Variants in UST observed in about 807,000 individuals in gnomAD.
UST encodes uronyl 2-sulfotransferase.
In UST, 21 loss-of-function variants were observed where a neutral mutation model predicts 45.6. That is an observed-to-expected ratio of 0.46 (90% CI 0.33 to 0.66). UST has a LOEUF of 0.66. Among genes scored for constraint, UST ranks in the 30% least tolerant of loss-of-function variants. The pLI, the probability that UST is intolerant of heterozygous loss-of-function variation, is 0.02. For synonymous variants in UST, 215 were observed against 200.6 expected (o/e 1.07, Z -0.61); for missense variants, 463 against 512.4 (o/e 0.90, Z 0.93).
At chr6:148,769,750 TTGTGTGTGTGTGTGTG>T (rs57316536) in intron 1 of UST, among the ~76,000 whole-genome samples, 1 of 148,224 alleles carries the variant, frequency 6.7e-6, no homozygotes, top group East Asian at 2.0e-4. Context: ...GAGCCTGTGT[TTGTGTGTGTGTGTGTG>T]TGTGTGTGTG....
chr6:148,881,190 T>G (rs922497340), intron 1 of UST, among the ~76,000 whole-genome samples: 2 of 152,164 alleles, frequency 1.3e-5, no homozygotes, highest in African/African-American at 4.8e-5. Flanking sequence ...TTTTGTCTCC[T>G]CCGCTTACCT....
At chr6:148,752,819 T>G (rs1223903735) in intron 1 of UST, among the ~76,000 whole-genome samples, 8 of 152,152 alleles carry the variant, frequency 5.3e-5, no homozygotes, top group Admixed American at 5.2e-4. Context: ...GTGTCCATGA[T>G]GGACAATGAA....
intron 5 of UST, among the ~76,000 whole-genome samples, chr6:149,008,974 C>T (rs1310032159): frequency 6.6e-6 from 1 of 152,168 alleles, no homozygotes. Flanking sequence ...AGAAAACATC[C>T]ATAGCTATTT....
At chr6:148,898,867 G>C (rs1036282442) in intron 2 of UST, among the ~76,000 whole-genome samples, 1 of 152,138 alleles carries the variant, frequency 6.6e-6, no homozygotes, top group South Asian at 2.1e-4. Flanking sequence ...ACTGGTTGTT[G>C]GGGCTGGGCT....
At chr6:149,058,385 G>A (rs1448512603) in intron 7 of UST, among the ~76,000 whole-genome samples, 2 of 142,984 alleles carry the variant, frequency 1.4e-5, no homozygotes, top group Non-Finnish European at 3.1e-5. Flanking sequence ...GTGTGTGTGT[G>A]TGTATGTGCG....
intron 7 of UST, among the ~76,000 whole-genome samples, chr6:149,035,713 C>T (rs1261355727): frequency 2.6e-5 from 4 of 151,792 alleles, no homozygotes; most frequent in Non-Finnish European, 5.9e-5. Context: ...TTGCTGTGAG[C>T]CAAGATTGTG....
intron 1 of UST, among the ~76,000 whole-genome samples, chr6:148,870,716 C>T (rs1778534042): frequency 6.6e-6 from 1 of 152,174 alleles, no homozygotes; most frequent in Admixed American, 6.5e-5. Context: ...TCACAGTGGC[C>T]TGTTCCCTCC....
intron 5 of UST, among the ~76,000 whole-genome samples, chr6:149,016,694 GCTC>G (rs1434065988): frequency 4.6e-5 from 7 of 152,314 alleles, no homozygotes; most frequent in African/African-American, 1.2e-4. Flanking sequence ...CTGATGCCCT[GCTC>G]CTCCTGTTAA....
intron 5 of UST, among the ~76,000 whole-genome samples, chr6:149,008,846 A>G (rs1775758272): frequency 6.6e-6 from 1 of 152,354 alleles, no homozygotes; most frequent in East Asian, 1.9e-4. Flanking sequence ...AAGACCTCCC[A>G]ACCTGGCCAT....
rs528646021 is a variant in UST at position 149,049,047 on chromosome 6, G to GGT, written c.938-24785_938-24784dup. Among the ~76,000 whole-genome samples the GGT allele has an allele frequency of 1.5e-3, 223 of 152,152 alleles. 1 individual carries two copies. The highest frequency in any genetic ancestry group is 2.4e-3 in the Non-Finnish European group (163 of 68,002). On this transcript the variant is annotated intron_variant, in intron 7 of 7. Transcript: ENST00000367463. ...CCTTGATTGTGGTAGTAGGGGCATA[G>GGT]GTATATATAGCTGTCAAAACTCATC...
intron 1 of UST, among the ~76,000 whole-genome samples, chr6:148,849,020 G>A (rs1475759624): frequency 6.6e-6 from 1 of 152,198 alleles, no homozygotes. Flanking sequence ...AAGGGCAGGA[G>A]CAGAAGGGTG....
At chr6:148,855,693 T>G (rs1220179786) in intron 1 of UST, among the ~76,000 whole-genome samples, 1 of 152,200 alleles carries the variant, frequency 6.6e-6, no homozygotes, top group Non-Finnish European at 1.5e-5. Flanking sequence ...GAAATCTGCA[T>G]TTTTTCACCT....
At chr6:149,029,017 G>A (rs957889794) in intron 7 of UST, among the ~76,000 whole-genome samples, 2 of 152,146 alleles carry the variant, frequency 1.3e-5, no homozygotes, top group African/African-American at 4.8e-5. Flanking sequence ...TGTCCAGCAG[G>A]TGGCGATGTC....
At chr6:148,959,198 G>A (rs1038732672) in intron 4 of UST, among the ~76,000 whole-genome samples, 3 of 152,184 alleles carry the variant, frequency 2.0e-5, no homozygotes, top group Non-Finnish European at 2.9e-5. Flanking sequence ...CAACTTTTGT[G>A]AACAAACTCT....
chr6:149,061,702 C>A (rs1166442752), intron 7 of UST, among the ~76,000 whole-genome samples: 1 of 152,162 alleles, frequency 6.6e-6, no homozygotes, highest in Non-Finnish European at 1.5e-5. Context: ...TTCCCTGCAG[C>A]CTTTTCCCTG....
chr6:148,748,388 C>A lies in UST; in HGVS notation c.247+711C>A, dbSNP rs1775918418. On this transcript the variant is annotated intron_variant, in intron 1 of 7. Coordinates refer to ENST00000367463, the MANE Select transcript of UST (RefSeq NM_005715.3). The surrounding 1 kb of genome is among the most constrained non-coding windows in gnomAD (Gnocchi z 5.3). ...CTCGGCGCTGTGTGCGTCTCAAGCT[C>A]AAGTCAAAACTTGTGTGTGTGTGTG... Among the ~76,000 whole-genome samples, 1 of 147,372 alleles carries A rather than the reference C, an allele frequency of 6.8e-6. No homozygotes were observed. The highest frequency in any genetic ancestry group is 6.7e-5 in the Admixed American group (1 of 14,924).
At chr6:148,888,945 G>A (rs1420393753) in intron 2 of UST, among the ~76,000 whole-genome samples, 2 of 152,192 alleles carry the variant, frequency 1.3e-5, no homozygotes, top group African/African-American at 4.8e-5. Context: ...TAGCCTCAAT[G>A]CACAGAGGCA....
At chr6:149,034,128 G>A (rs1582969091) in intron 7 of UST, among the ~76,000 whole-genome samples, 3 of 152,124 alleles carry the variant, frequency 2.0e-5, no homozygotes, top group Admixed American at 6.5e-5. Context: ...TCCTGCTGAC[G>A]TTGCTGTGAC....
intron 5 of UST, among the ~76,000 whole-genome samples, chr6:148,985,263 A>G (rs551925970): frequency 2.0e-3 from 298 of 152,266 alleles, no homozygotes; most frequent in African/African-American, 6.8e-3. Context: ...GTCTGGAACA[A>G]TGTTGGTGCT....
Sources: gnomAD v4.1 joint callset for allele counts (sites outside exome capture counted in the v4.1 genomes callset) on GRCh38, gnomAD v4.1.1 for gene constraint, Gnocchi (gnomAD v3.1) non-coding constraint, MANE v1.5 for transcripts, NCBI Gene and HGNC (gene_info 2026-07-23, HGNC 2026-07-21) for gene names.